DGKB: variants seen among roughly 807,000 people sequenced by gnomAD.
DGKB encodes the protein 90 kDa diacylglycerol kinase.
DGKB carries 67 observed loss-of-function variants against 114.3 expected under a neutral mutation model. That is an observed-to-expected ratio of 0.59 (90% CI 0.48 to 0.72). DGKB has a LOEUF of 0.72. DGKB is among the 30% of genes least tolerant of loss of function. The pLI is 0.00. For missense variants in DGKB, 907 were observed against 975.2 expected (o/e 0.93, Z 0.93); for synonymous variants, 398 against 323.1 (o/e 1.23, Z -2.49).
chr7:14,707,359 T>G (rs1000323277), intron 6 of DGKB, among the ~76,000 whole-genome samples: 6 of 149,876 alleles, frequency 4.0e-5, no homozygotes, highest in Non-Finnish European at 7.4e-5. Context: ...CAGGGCCAGA[T>G]GGATTCACAG....
At chr7:14,281,437 C>T (rs1326245087) in intron 23 of DGKB, among the ~76,000 whole-genome samples, 4 of 141,838 alleles carry the variant, frequency 2.8e-5, no homozygotes, top group Non-Finnish European at 4.5e-5. Context: ...CCACTGTCAA[C>T]ATTAGACAGA....
intron 1 of DGKB, among the ~76,000 whole-genome samples, chr7:14,846,194 C>T (rs760184225): frequency 6.6e-6 from 1 of 152,100 alleles, no homozygotes; most frequent in Non-Finnish European, 1.5e-5. Context: ...CTGAGTGGCT[C>T]AAAGTAAATT....
At chr7:14,762,275 A>C (rs1835816623) in intron 2 of DGKB, among the ~76,000 whole-genome samples, 1 of 152,096 alleles carries the variant, frequency 6.6e-6, no homozygotes. Flanking sequence ...ACTTTCTCCT[A>C]TACTTTACCT....
intron 13 of DGKB, among the ~76,000 whole-genome samples, chr7:14,661,196 T>C (rs1259863387): frequency 2.0e-5 from 3 of 150,844 alleles, no homozygotes; most frequent in Non-Finnish European, 4.4e-5. Context: ...AAGCCAAAAT[T>C]GACAAATGGG....
intron 1 of DGKB, among the ~76,000 whole-genome samples, chr7:14,973,465 T>C (rs979433130): frequency 6.6e-6 from 1 of 151,508 alleles, no homozygotes; most frequent in Non-Finnish European, 1.5e-5. Context: ...TTAATCATAC[T>C]ATTTCTTTTT....
At chr7:14,520,210 A>ATTTTTTTTT (rs386409562) in intron 20 of DGKB, among the ~76,000 whole-genome samples, 1 of 119,120 alleles carries the variant, frequency 8.4e-6, no homozygotes, top group African/African-American at 3.1e-5. Context: ...CTTTTTTCCT[A>ATTTTTTTTT]TTTTTTTTTT....
intron 1 of DGKB, among the ~76,000 whole-genome samples, chr7:14,878,939 C>A (rs1309841633): frequency 2.0e-5 from 3 of 149,540 alleles, no homozygotes; most frequent in Non-Finnish European, 4.4e-5. Flanking sequence ...TACTTCATAT[C>A]AAAAGTCATC....
At chr7:14,645,005 A>G (rs1812642051) in intron 13 of DGKB, among the ~76,000 whole-genome samples, 1 of 152,192 alleles carries the variant, frequency 6.6e-6, no homozygotes, top group Non-Finnish European at 1.5e-5. Context: ...AGTTCCAGAT[A>G]GACTCCACAA....
intron 13 of DGKB, among the ~76,000 whole-genome samples, chr7:14,644,670 T>G (rs912572508): frequency 6.6e-6 from 1 of 152,130 alleles, no homozygotes; most frequent in East Asian, 1.9e-4. Flanking sequence ...GAAAAAGAAT[T>G]TTTAAAAAGA....
intron 21 of DGKB, among the ~76,000 whole-genome samples, chr7:14,421,318 G>A (rs1406831858): frequency 6.6e-6 from 1 of 151,956 alleles, no homozygotes; most frequent in Admixed American, 6.6e-5. Flanking sequence ...AATACATCAA[G>A]AGCCTAGATG....
intron 23 of DGKB, among the ~76,000 whole-genome samples, chr7:14,277,343 T>A (rs1799177696): frequency 6.6e-6 from 1 of 151,900 alleles, no homozygotes. Context: ...GGTAATTTTT[T>A]TTTCTTTTTT....
At chr7:14,961,643 CA>C (rs1396189257) in intron 1 of DGKB, among the ~76,000 whole-genome samples, 2 of 152,114 alleles carry the variant, frequency 1.3e-5, no homozygotes, top group African/African-American at 4.8e-5. Flanking sequence ...GATAATTGAG[CA>C]AACTATGACA....
In DGKB at chr7:14,151,471, A is replaced by G. The variant is rs533648980; in HGVS notation, c.2305-2233T>C. On this transcript the variant is annotated intron_variant, in intron 25 of 25. Transcript: ENST00000402815. Reference sequence around the variant, plus strand: ...ATTCTTATATTAAAAACTTTTTAAAAAAAAAAATTACATGATTTTATGCCT... The same window carrying G: ...ATTCTTATATTAAAAACTTTTTAAAGAAAAAAATTACATGATTTTATGCCT... Among the ~76,000 whole-genome samples, 3 of 149,652 alleles carry G rather than the reference A, an allele frequency of 2.0e-5. No homozygotes were observed. The East Asian group carries it at 5.8e-4, about 29-fold the overall frequency.
intron 13 of DGKB, among the ~76,000 whole-genome samples, chr7:14,640,277 T>C (rs1429802111): frequency 6.6e-6 from 1 of 152,130 alleles, no homozygotes; most frequent in Non-Finnish European, 1.5e-5. Flanking sequence ...AATGTGGAAT[T>C]CCAGGAGAAT....
chr7:14,192,103 G>A, intron 23 of DGKB: 1 of 394,350 alleles, frequency 2.5e-6, no homozygotes, highest in Non-Finnish European at 5.0e-6. Context: ...GCTGCTGATG[G>A]TGGAAAGGTC....
At chr7:14,788,595 TG>T (rs1163018813) in intron 2 of DGKB, among the ~76,000 whole-genome samples, 1 of 152,196 alleles carries the variant, frequency 6.6e-6, no homozygotes, top group African/African-American at 2.4e-5. Flanking sequence ...CAGACAACTA[TG>T]GGTAGCCCAT....
rs559338721 is a variant in DGKB, at chr7:14,698,176, G to C, written c.517-7C>G. On this transcript the variant is annotated splice_polypyrimidine_tract_variant and splice_region_variant and intron_variant, in intron 7 of 25. Coordinates refer to ENST00000402815, the MANE Select transcript of DGKB (RefSeq NM_001350709.2). ...TGATGATATTTTCTAGCTCCTGGAAGAGAAAGAGAGATAAAAAATATGAAT... is the reference window on the plus strand; with the variant it reads ...TGATGATATTTTCTAGCTCCTGGAACAGAAAGAGAGATAAAAAATATGAAT... The C allele has an allele frequency of 1.3e-6, 2 of 1,482,068 alleles. No homozygotes were observed. Among genetic ancestry groups the C allele is most frequent in the Admixed American group, 2.6e-5 (1 of 38,944 alleles). 91.8% of individuals were successfully genotyped at this position (1,482,068 alleles called of 1,614,324 possible).
At chr7:14,262,273 C>T (rs965015846) in intron 23 of DGKB, among the ~76,000 whole-genome samples, 2 of 152,054 alleles carry the variant, frequency 1.3e-5, no homozygotes, top group Non-Finnish European at 1.5e-5. Context: ...GTTTATGTCC[C>T]CTCAAAATTC....
chr7:14,430,113 G>A (rs1828235645), intron 21 of DGKB, among the ~76,000 whole-genome samples: 1 of 152,102 alleles, frequency 6.6e-6, no homozygotes, highest in South Asian at 2.1e-4. Flanking sequence ...AGTACATAGT[G>A]TTTCTCTGTG....
Sources: gnomAD v4.1 joint callset for allele counts (sites outside exome capture counted in the v4.1 genomes callset) on GRCh38, gnomAD v4.1.1 for gene constraint, MANE v1.5 for transcripts, NCBI Gene and HGNC (gene_info 2026-07-23, HGNC 2026-07-21) for gene names.